Variants in HADH observed in about 807,000 individuals in gnomAD.
The protein encoded by HADH is hydroxyacyl-coenzyme A dehydrogenase, mitochondrial.
In HADH, 24 loss-of-function variants were observed where a neutral mutation model predicts 32.2. The observed-to-expected ratio is 0.75, with a 90% CI of 0.54 to 1.05. The LOEUF (loss-of-function observed/expected upper bound fraction) is 1.05. Ranked by LOEUF, HADH falls within the 50% of genes least tolerant of loss-of-function variation. The probability of loss-of-function intolerance (pLI) is 0.00; values close to 1 mark genes in which losing one functional copy is unlikely to be tolerated. For synonymous variants in HADH, 139 were observed against 152.5 expected (o/e 0.91, Z 0.65); for missense variants, 350 against 397.1 (o/e 0.88, Z 1.01).
intron 1 of HADH, among the ~76,000 whole-genome samples, chr4:107,990,470 A>G (rs766135841): frequency 6.6e-6 from 1 of 152,232 alleles, no homozygotes; most frequent in Non-Finnish European, 1.5e-5. Flanking sequence ...AACTGCGATC[A>G]GTTTTAATTC....
chr4:108,017,681 A>G (rs954834022), intron 3 of HADH, among the ~76,000 whole-genome samples: 9 of 151,660 alleles, frequency 5.9e-5, no homozygotes, highest in Non-Finnish European at 1.0e-4. Context: ...CAGCCTCCCT[A>G]GTGGCTGGGA....
At chr4:108,023,781 TCTGAGAC>T in intron 5 of HADH, 1 of 552,242 alleles carries the variant, frequency 1.8e-6, no homozygotes, top group South Asian at 1.9e-5. Flanking sequence ...ATGTGGATAG[TCTGAGAC>T]CTGAATGGAG....
chr4:108,004,982 G>C (rs1735247584), intron 1 of HADH: 2 of 1,165,878 alleles, frequency 1.7e-6, no homozygotes, highest in Non-Finnish European at 1.2e-6. Flanking sequence ...TAAACGAAGT[G>C]ATAATACTGT....
intron 1 of HADH, chr4:108,004,461 C>T (rs990638696): frequency 8.1e-6 from 3 of 370,840 alleles, no homozygotes; most frequent in South Asian, 4.4e-5. Context: ...TGTACAAAGG[C>T]TTCCTTGCTG....
chr4:107,997,038 A>G (rs1734977979), intron 1 of HADH, among the ~76,000 whole-genome samples: 1 of 152,182 alleles, frequency 6.6e-6, no homozygotes, highest in African/African-American at 2.4e-5. Flanking sequence ...ACCAGAGACA[A>G]TCATAAACCC....
intron 1 of HADH, among the ~76,000 whole-genome samples, chr4:108,001,175 T>G (rs1319521844): frequency 6.6e-6 from 1 of 152,134 alleles, no homozygotes; most frequent in Admixed American, 6.5e-5. Flanking sequence ...ATGGTTGGGA[T>G]TAAGGAAAAA....
At chr4:108,006,953 TA>T (rs1735311441) in intron 1 of HADH, among the ~76,000 whole-genome samples, 1 of 152,244 alleles carries the variant, frequency 6.6e-6, no homozygotes, top group African/African-American at 2.4e-5. Context: ...TTTCCTCATC[TA>T]TAAAATGGAT....
intron 6 of HADH, 63 bp from the exon 7 acceptor site, chr4:108,033,113 T>C: frequency 2.4e-6 from 2 of 833,946 alleles, no homozygotes; most frequent in Middle Eastern, 4.4e-4. Context: ...CTGGGGCTAA[T>C]CCTGTGATAG....
chr4:108,014,912 C>G (rs1220873956), intron 3 of HADH, among the ~76,000 whole-genome samples: 2 of 152,138 alleles, frequency 1.3e-5, no homozygotes, highest in African/African-American at 2.4e-5. Context: ...TGAGTTGTTT[C>G]ACTTAAGATA....
chr4:107,993,610 A>C (rs905662171), intron 1 of HADH, among the ~76,000 whole-genome samples: 2 of 152,218 alleles, frequency 1.3e-5, no homozygotes, highest in Non-Finnish European at 2.9e-5. Flanking sequence ...TTTCTCAAGC[A>C]ATTAAGCAAT....
chr4:107,990,763 T>A (rs1403897160), intron 1 of HADH, among the ~76,000 whole-genome samples: 1 of 149,754 alleles, frequency 6.7e-6, no homozygotes, highest in Non-Finnish European at 1.5e-5. Flanking sequence ...TTTTTTTTTT[T>A]TTTGAGTCGG....
At chr4:108,011,479 G>A (rs765175948) in intron 2 of HADH, among the ~76,000 whole-genome samples, 9 of 152,160 alleles carry the variant, frequency 5.9e-5, no homozygotes, top group Non-Finnish European at 8.8e-5. Flanking sequence ...CCCACAACAC[G>A]TGGGGATTAT....
intron 1 of HADH, among the ~76,000 whole-genome samples, chr4:108,008,693 A>T (rs974869192): frequency 1.1e-4 from 17 of 152,154 alleles, no homozygotes; most frequent in Non-Finnish European, 2.4e-4. Context: ...TGTTGGTGTC[A>T]TCGAGGTTCC....
chr4:108,032,284 C>T (rs750677925), intron 6 of HADH: 105 of 1,356,066 alleles, frequency 7.7e-5, no homozygotes, highest in South Asian at 2.1e-4. Flanking sequence ...AGTAAATTTC[C>T]AAGGGAAAAG....
intron 3 of HADH, among the ~76,000 whole-genome samples, chr4:108,018,615 T>C (rs1211567421): frequency 2.0e-5 from 3 of 150,466 alleles, no homozygotes; most frequent in African/African-American, 7.3e-5. Flanking sequence ...CCTCCTCTCC[T>C]CCCACCCGCC....
intron 3 of HADH, among the ~76,000 whole-genome samples, chr4:108,018,860 G>A (rs1248276849): frequency 1.3e-5 from 2 of 152,086 alleles, no homozygotes; most frequent in Non-Finnish European, 2.9e-5. Flanking sequence ...TGGCCTTAAA[G>A]AACTAAATTT....
At chr4:108,030,429 A>C (rs1736221552) in intron 6 of HADH, 1 of 152,468 alleles carries the variant, frequency 6.6e-6, no homozygotes, top group Non-Finnish European at 1.5e-5. Context: ...CATATGTCCC[A>C]AGGTGCTGTG....
rs564914381 is a variant in HADH at position 107,990,813 on chromosome 4, G to T, written c.132+749G>T. ...AGGCTGGAGTGGAGTGCAATGGCGC[G>T]ATCTCGGTTCACTGCAACCTCCGCC... On this transcript the variant is annotated intron_variant, in intron 1 of 7. Transcript: ENST00000309522. 9.5e-5 allele frequency among the ~76,000 whole-genome samples: 14 copies of T among 147,236 alleles called. 1 individual carries two copies. The South Asian group carries it at 3.0e-3, about 32-fold the overall frequency.
chr4:107,999,413 CAGAG>C (rs750601744), intron 1 of HADH, among the ~76,000 whole-genome samples: 1 of 152,222 alleles, frequency 6.6e-6, no homozygotes, highest in African/African-American at 2.4e-5. Flanking sequence ...ACCAAAATAA[CAGAG>C]AGAGACTTTA....
Sources: allele counts gnomAD v4.1 joint callset (sites outside exome capture counted in the v4.1 genomes callset), GRCh38; gene constraint gnomAD v4.1.1; transcripts MANE v1.5; gene names NCBI Gene and HGNC (gene_info 2026-07-23, HGNC 2026-07-21).